The following UNC13C variants were observed in gnomAD, a reference collection of about 807,000 sequenced individuals.
The protein encoded by UNC13C is unc-13 homolog C.
In UNC13C, 174 loss-of-function variants were observed where a neutral mutation model predicts 245.4. That is an observed-to-expected ratio of 0.71 (90% confidence interval 0.63 to 0.80). UNC13C has a LOEUF of 0.80. Ranked by LOEUF, UNC13C falls within the 30% of genes least tolerant of loss-of-function variation. The pLI is 0.00. For missense variants in UNC13C, 2,829 were observed against 2,602.9 expected, an observed-to-expected ratio of 1.09 and a Z score of -1.89; for synonymous variants, 992 against 895.1, an observed-to-expected ratio of 1.11 and a Z score of -1.93.
At chr15:53,881,847 C>T in the UNC13C span, among the ~76,000 whole-genome samples, 1 of 152,168 alleles carries the variant, frequency 6.6e-6, no homozygotes, top group African/African-American at 2.4e-5. Flanking sequence ...CAAATATTAT[C>T]AAACAGGGCT....
intron 2 of UNC13C, among the ~76,000 whole-genome samples, chr15:54,016,724 C>T (rs935002171): frequency 3.3e-5 from 5 of 152,166 alleles, no homozygotes; most frequent in African/African-American, 4.8e-5. Context: ...CAACTTCCTC[C>T]GCACTTATTC....
intron 2 of UNC13C, among the ~76,000 whole-genome samples, chr15:54,088,956 G>C (rs11071034): frequency 0.014 from 2,154 of 152,114 alleles, 58 homozygotes; most frequent in African/African-American, 0.048. Flanking sequence ...ATAACTTGGC[G>C]GGGGGGAACA....
At chr15:53,973,600 A>C (rs1436812609), upstream of UNC13C, among the ~76,000 whole-genome samples, 1 of 137,618 alleles carries the variant, frequency 7.3e-6, no homozygotes, top group Admixed American at 7.4e-5. Flanking sequence ...AAAAAAATCC[A>C]AAAAGTGGAA....
chr15:54,089,712 G>A (rs1899456336), intron 2 of UNC13C, among the ~76,000 whole-genome samples: 1 of 140,166 alleles, frequency 7.1e-6, no homozygotes, highest in Admixed American at 7.3e-5. Context: ...TTGTGTGTTT[G>A]ATGCACTTCA....
chr15:54,426,733 G>A (rs1231133732), intron 19 of UNC13C, among the ~76,000 whole-genome samples: 4 of 151,734 alleles, frequency 2.6e-5, no homozygotes, highest in African/African-American at 2.4e-5. Context: ...CAGACAGGAT[G>A]AGTACGAAAA....
intron 19 of UNC13C, among the ~76,000 whole-genome samples, chr15:54,471,042 T>C (rs1892436002): frequency 6.6e-6 from 1 of 151,498 alleles, no homozygotes; most frequent in South Asian, 2.1e-4. Context: ...TATTGCTTTC[T>C]AGTTTTATAT....
chr15:54,277,831 A>G (rs1596131535), intron 10 of UNC13C, among the ~76,000 whole-genome samples: 1 of 152,204 alleles, frequency 6.6e-6, no homozygotes, highest in Non-Finnish European at 1.5e-5. Flanking sequence ...AATCTATTTC[A>G]TAATATGAGA....
intron 10 of UNC13C, among the ~76,000 whole-genome samples, chr15:54,276,589 ACTTT>A (rs1302829069): frequency 6.6e-6 from 1 of 152,076 alleles, no homozygotes; most frequent in Non-Finnish European, 1.5e-5. Flanking sequence ...AATGTCTCAG[ACTTT>A]TGTGAAATTG....
the UNC13C span, among the ~76,000 whole-genome samples, chr15:53,850,900 T>C: frequency 0.018 from 2,697 of 151,986 alleles, 79 homozygotes; most frequent in African/African-American, 0.061. Context: ...TACATTTCAT[T>C]TTGGAAAGTG....
chr15:54,282,594 G>A (rs552491848), intron 10 of UNC13C, among the ~76,000 whole-genome samples: 21 of 152,252 alleles, frequency 1.4e-4, no homozygotes, highest in African/African-American at 4.8e-4. Flanking sequence ...GTCCATGGAT[G>A]GTGGTGTGTT....
At chr15:54,512,421 C>G (rs1181120135) in intron 24 of UNC13C, 1 of 455,334 alleles carries the variant, frequency 2.2e-6, no homozygotes, top group East Asian at 7.0e-5. Flanking sequence ...GCTGTTCCCT[C>G]CAACCCTCAC....
At chr15:53,989,866 TTCGGCATCTC>T (rs1474219984) in intron 1 of UNC13C, among the ~76,000 whole-genome samples, 1 of 152,042 alleles carries the variant, frequency 6.6e-6, no homozygotes, top group African/African-American at 2.4e-5. Flanking sequence ...ACTGCAATAG[TTCGGCATCTC>T]AGAGTTTGGA....
Position 54,237,681 on chromosome 15 carries a change from T to A in UNC13C, c.3219T>A (p.Asn1073Lys), listed in dbSNP as rs1483566535. 40 of 1,610,572 alleles carry A rather than the reference T, an allele frequency of 2.5e-5. No individual in the cohort carries two copies. The highest frequency in any genetic ancestry group is 3.3e-5 in the Non-Finnish European group (39 of 1,178,304). The change falls in exon 7 of 33, where the codon AAT (asparagine) becomes AAA (lysine). Residue 1073 changes from asparagine (N) to lysine (K), a missense_variant. Coordinates refer to ENST00000260323, the MANE Select transcript of UNC13C (RefSeq NM_001080534.3). ...LAMVIRTSLN[N>K]EELKMHVFKK... ...TGGTGATTAGGACATCCCTAAATAATGAGGAACTGGTAAGTACTAGATATT... is the reference window on the plus strand; with the variant it reads ...TGGTGATTAGGACATCCCTAAATAAAGAGGAACTGGTAAGTACTAGATATT...
intron 29 of UNC13C, among the ~76,000 whole-genome samples, chr15:54,563,444 T>C (rs1897376223): frequency 6.6e-6 from 1 of 152,004 alleles, no homozygotes; most frequent in Non-Finnish European, 1.5e-5. Flanking sequence ...CCTAACTGTT[T>C]TTTGCCCATT....
rs564151243 is a variant in UNC13C at position 54,591,041 on chromosome 15, T to C, written c.6106+23094T>C. ...TGTTGAATGCTTTTTCTGCATCTAT[T>C]GAGATGATCATGTGATTTGTGTCTT... On this transcript the variant is annotated intron_variant, in intron 30 of 32. Transcript: ENST00000260323. Among the ~76,000 whole-genome samples the C allele has an allele frequency of 2.0e-5, 3 of 152,314 alleles. No individual in the cohort carries two copies. In the East Asian group the frequency reaches 5.8e-4, roughly 29 times the overall value.
rs1242175561 is a variant in UNC13C at position 54,003,967 on chromosome 15, T to TGC, written c.-256-8680_-256-8679dup. ...GGCAGCTTGCAGTGAGCCGAGATCC[T>TGC]GCCACAGCACTCCAGCCTGGGCGAC... On this transcript the variant is annotated intron_variant, in intron 1 of 32. Transcript: ENST00000260323. Among the ~76,000 whole-genome samples the TGC allele has an allele frequency of 4.0e-3, 614 of 152,198 alleles. 23 individuals are homozygous for TGC. The East Asian group carries it at 0.11, about 27-fold the overall frequency.
At chr15:54,148,492 A>C (rs565747227) in intron 4 of UNC13C, among the ~76,000 whole-genome samples, 8 of 152,268 alleles carry the variant, frequency 5.3e-5, no homozygotes, top group African/African-American at 1.9e-4. Context: ...TTATTTGTCT[A>C]TAAAGTTGAG....
intron 1 of UNC13C, among the ~76,000 whole-genome samples, chr15:53,996,770 CA>C (rs1450424298): frequency 6.6e-6 from 1 of 150,378 alleles, no homozygotes; most frequent in Non-Finnish European, 1.5e-5. Context: ...TTATGAATGT[CA>C]CATGCAGTAG....
At chr15:54,225,255 C>G (rs1402151027) in intron 4 of UNC13C, among the ~76,000 whole-genome samples, 3 of 151,946 alleles carry the variant, frequency 2.0e-5, no homozygotes, top group South Asian at 2.1e-4. Flanking sequence ...ATGCCTCCAG[C>G]TTTGTTCTTT....
Sources: allele counts gnomAD v4.1 joint callset (sites outside exome capture counted in the v4.1 genomes callset), GRCh38; gene constraint gnomAD v4.1.1; transcripts MANE v1.5; gene names NCBI Gene and HGNC (gene_info 2026-07-23, HGNC 2026-07-21).